The following SEC24A variants were observed in gnomAD, a reference collection of about 807,000 sequenced individuals.
The protein encoded by SEC24A is SEC24 homolog A, COPII component, also known as protein transport protein Sec24A.
Under a neutral mutation model 129.4 loss-of-function variants are expected in SEC24A, and 93 were observed. That is an observed-to-expected ratio of 0.72 (90% CI 0.61 to 0.85). The LOEUF (loss-of-function observed/expected upper bound fraction) is 0.85. SEC24A is among the 40% of genes least tolerant of loss of function. SEC24A has a pLI of 0.00. For missense variants in SEC24A, 1,264 were observed against 1,307.4 expected (o/e 0.97, Z 0.51); for synonymous variants, 460 against 467.3 (o/e 0.98, Z 0.20).
In SEC24A at chr5:134,666,890, GC is replaced by G. The variant is rs1358020556; in HGVS notation, c.638del (p.Pro213LeufsTer9). 1 of 1,613,548 alleles carries G rather than the reference GC, an allele frequency of 6.2e-7. No homozygotes were observed. Among genetic ancestry groups the G allele is most frequent in the Admixed American group, 1.7e-5 (1 of 59,954 alleles). ...CTTTTCAACCAGGAGCTCCTCATGG[GC>G]CCCCTCCAGCTGGAGGCCCACCCCC... ...TTFQPGAPHG[P>X]PPAGGPPPVR... On this transcript the variant is annotated frameshift_variant, in exon 3 of 23. Coordinates refer to ENST00000398844, the MANE Select transcript of SEC24A (RefSeq NM_021982.3). LOFTEE classifies it high-confidence loss of function.
Position 134,703,761 on chromosome 5 carries a change from C to T in SEC24A, c.2269C>T (p.Leu757Phe), listed in dbSNP as rs1180302855. 6.2e-7 allele frequency: 1 copy of T among 1,602,676 alleles called. No homozygotes were observed. Among genetic ancestry groups the T allele is most frequent in the African/African-American group, 1.3e-5 (1 of 74,694 alleles). ...AVMRIRCTKG[L>F]SIHTFHGNFF... Reference sequence around the variant, plus strand: ...TTTGTTACCTTTTTCTCTTCTAGGTCTTTCCATTCATACTTTCCATGGAAA... The same window carrying T: ...TTTGTTACCTTTTTCTCTTCTAGGTTTTTCCATTCATACTTTCCATGGAAA... The change falls in exon 16 of 23, where the codon CTT becomes TTT. Residue 757 changes from leucine to phenylalanine, a missense_variant and splice_region_variant. Transcript: ENST00000398844.
chr5:134,658,256 G>A (rs1166862556), intron 1 of SEC24A, among the ~76,000 whole-genome samples: 5 of 152,130 alleles, frequency 3.3e-5, no homozygotes, highest in African/African-American at 1.2e-4. Context: ...GGGCAACAGA[G>A]CGAGACTCTG....
At chr5:134,708,677 A>G (rs748057625) in intron 17 of SEC24A, 36 bp from the exon 18 acceptor site, 1 of 1,574,274 alleles carries the variant, frequency 6.4e-7, no homozygotes, top group South Asian at 1.2e-5. Flanking sequence ...AACTTCTATC[A>G]TATTTCTTTT....
chr5:134,695,119 C>CA (rs1050840408), intron 13 of SEC24A, among the ~76,000 whole-genome samples: 1 of 152,056 alleles, frequency 6.6e-6, no homozygotes, highest in Non-Finnish European at 1.5e-5. Flanking sequence ...CCTATAATCC[C>CA]AGCCCTTTGG....
chr5:134,706,077 A>T (rs1319580105), intron 17 of SEC24A, among the ~76,000 whole-genome samples: 2 of 152,074 alleles, frequency 1.3e-5, no homozygotes, highest in Admixed American at 1.3e-4. Context: ...TAGTAGAGAC[A>T]GGGTTTCTTC....
At chr5:134,659,673 G>A (rs1750381104) in intron 1 of SEC24A, among the ~76,000 whole-genome samples, 1 of 146,242 alleles carries the variant, frequency 6.8e-6, no homozygotes, top group African/African-American at 2.5e-5. Flanking sequence ...TTTGAGACAG[G>A]ATACAGGGTC....
intron 9 of SEC24A, among the ~76,000 whole-genome samples, chr5:134,682,851 G>C (rs1751323113): frequency 6.6e-6 from 1 of 152,154 alleles, no homozygotes; most frequent in South Asian, 2.1e-4. Flanking sequence ...ACAGGTGTGA[G>C]CCGCTGTGCC....
intron 18 of SEC24A, among the ~76,000 whole-genome samples, chr5:134,710,512 C>T (rs139041666): frequency 1.2e-3 from 180 of 152,232 alleles, no homozygotes; most frequent in African/African-American, 4.3e-3. Flanking sequence ...GGATTACAGC[C>T]GTGAGCCACC....
chr5:134,654,195 C>T (rs542208928), intron 1 of SEC24A, among the ~76,000 whole-genome samples: 1 of 151,424 alleles, frequency 6.6e-6, no homozygotes, highest in East Asian at 1.9e-4. Flanking sequence ...AAAGACCTAA[C>T]AGTAGCCTTT....
chr5:134,721,934 A>G (rs1253073305), intron 21 of SEC24A, among the ~76,000 whole-genome samples: 2 of 152,224 alleles, frequency 1.3e-5, no homozygotes. Context: ...ACTGGCTTTC[A>G]GGCCTTAAAC....
chr5:134,679,057 G>A (rs548016837), intron 7 of SEC24A, among the ~76,000 whole-genome samples: 6 of 151,816 alleles, frequency 4.0e-5, no homozygotes, highest in Admixed American at 3.3e-4. Context: ...AGTGTTTAAT[G>A]AGGAAAAAAA....
chr5:134,715,851 T>TA (rs34876785), intron 19 of SEC24A, among the ~76,000 whole-genome samples: 3,504 of 140,558 alleles, frequency 0.025, 61 homozygotes, highest in African/African-American at 0.057. Context: ...CTTAAAGTAT[T>TA]AAAAAAAAAA....
Position 134,648,933 on chromosome 5 carries a change from C to T in SEC24A, c.-144C>T, listed in dbSNP as rs1014332650. The T allele has an allele frequency of 3.7e-5, 22 of 589,314 alleles. No individual in the cohort carries two copies. The highest frequency in any genetic ancestry group is 6.4e-5 in the Non-Finnish European group (21 of 330,558). 36.5% of individuals were successfully genotyped at this position (589,314 alleles called of 1,614,324 possible). On this transcript the variant is annotated 5_prime_UTR_variant, in exon 1 of 23. Coordinates refer to ENST00000398844, the MANE Select transcript of SEC24A (RefSeq NM_021982.3). ...GCCTGGGGAGAGTGCGGCGCCATGC[C>T]TCGGGCTTAATGCGCCCCCCCCTCT...
chr5:134,676,398 A>G (rs1269351864), intron 7 of SEC24A, among the ~76,000 whole-genome samples: 2 of 148,632 alleles, frequency 1.3e-5, no homozygotes, highest in Non-Finnish European at 3.0e-5. Flanking sequence ...TTGGCCTCCC[A>G]AAGTGCTGGA....
At chr5:134,695,159 C>T (rs1561821907) in intron 13 of SEC24A, among the ~76,000 whole-genome samples, 1 of 151,944 alleles carries the variant, frequency 6.6e-6, no homozygotes, top group Admixed American at 6.6e-5. Context: ...CGGTTGAGCT[C>T]AGGAGTTTGA....
intron 19 of SEC24A, chr5:134,715,710 G>C (rs1287694142): frequency 6.5e-6 from 1 of 153,238 alleles, no homozygotes; most frequent in Non-Finnish European, 1.5e-5. Flanking sequence ...AGGAGACAGA[G>C]ATCATTAGCA....
intron 14 of SEC24A, among the ~76,000 whole-genome samples, chr5:134,697,631 CTG>C (rs1751868509): frequency 6.6e-6 from 1 of 152,150 alleles, no homozygotes; most frequent in South Asian, 2.1e-4. Flanking sequence ...TGGCGCACAC[CTG>C]TGGTCCCAGC....
intron 1 of SEC24A, among the ~76,000 whole-genome samples, chr5:134,658,021 C>T (rs1299539965): frequency 2.6e-5 from 4 of 152,172 alleles, no homozygotes; most frequent in Admixed American, 2.6e-4. Context: ...GTAATCCCAG[C>T]ACTTTGGGAG....
In SEC24A at chr5:134,723,655, T is replaced by A; in HGVS notation, c.3152T>A (p.Ile1051Lys). Residue 1051 changes from isoleucine to lysine, a missense_variant, in exon 22 of 23, where the codon ATA becomes AAA. Ile to Lys is a moderately radical substitution (Grantham distance 102). Coordinates refer to ENST00000398844, the MANE Select transcript of SEC24A (RefSeq NM_021982.3). ...WLREQRPFFP[I>K]LYVIRDESPM... ...AGAGAGCAGAGACCATTTTTCCCAA[T>A]ACTTTATGTAATAAGGTAAGTTGAA... 1 of 1,597,592 alleles carries A rather than the reference T, an allele frequency of 6.3e-7. No individual in the cohort carries two copies. Among genetic ancestry groups the A allele is most frequent in the South Asian group, 1.1e-5 (1 of 90,592 alleles).
Sources: allele counts gnomAD v4.1 joint callset (sites outside exome capture counted in the v4.1 genomes callset), GRCh38; gene constraint gnomAD v4.1.1; transcripts MANE v1.5; gene names NCBI Gene and HGNC (gene_info 2026-07-23, HGNC 2026-07-21).